The following NPRL3 variants were observed in gnomAD, a reference collection of about 807,000 sequenced individuals.
The protein encoded by NPRL3 is NPR3 like, GATOR1 complex subunit.
A neutral mutation model predicts 57.2 loss-of-function variants in NPRL3; 23 were observed. That is an observed-to-expected ratio of 0.40 (90% CI 0.29 to 0.57). The LOEUF is 0.57. Among genes scored for constraint, NPRL3 ranks in the 20% least tolerant of loss-of-function variants. The probability of loss-of-function intolerance (pLI) is 0.42; values close to 1 mark genes in which losing one functional copy is unlikely to be tolerated. For missense variants in NPRL3, 691 were observed against 767.1 expected, an observed-to-expected ratio of 0.90 and a Z score of 1.17; for synonymous variants, 333 against 321.1, an observed-to-expected ratio of 1.04 and a Z score of -0.39.
At chr16:97,513 C>T (rs551547536) in intron 9 of NPRL3, among the ~76,000 whole-genome samples, 114 of 151,496 alleles carry the variant, frequency 7.5e-4, no homozygotes, top group Non-Finnish European at 1.2e-3. Flanking sequence ...CATGAGCCAC[C>T]GTGCCCAGCC....
In NPRL3 at chr16:88,753, C is replaced by G. The variant is rs377485939; in HGVS notation, c.1489G>C (p.Ala497Pro). ...TGGGCTGCGGGTACACTGAGGATGG[C>G]TGCGCGTTCATGCTCCGACAGGCTG... ...LASLSEHERA[A>P]ILSVPAAQNP... Residue 497 changes from alanine (A) to proline (P), a missense_variant, in exon 13 of 14, where the codon GCC (alanine) becomes CCC (proline). Ala to Pro is a conservative substitution (Grantham distance 27). Coordinates refer to ENST00000611875, the MANE Select transcript of NPRL3 (RefSeq NM_001077350.3). 6.2e-7 allele frequency: 1 copy of G among 1,613,598 alleles called. No homozygotes were observed. Among genetic ancestry groups the G allele is most frequent in the African/African-American group, 1.3e-5 (1 of 74,942 alleles).
chr16:100,085 C>G (rs150464022), intron 8 of NPRL3, among the ~76,000 whole-genome samples: 63 of 152,132 alleles, frequency 4.1e-4, no homozygotes, highest in African/African-American at 1.5e-3. Flanking sequence ...TCCCTCCAGC[C>G]CTCCGGCCTC....
At chr16:123,429 C>G (rs2141967662) in intron 3 of NPRL3, 1 of 467,162 alleles carries the variant, frequency 2.1e-6, no homozygotes, top group African/African-American at 2.0e-5. Context: ...GGAGGGAAAT[C>G]AGGAATTAAG....
At chr16:135,943 A>G (rs568120471) in intron 2 of NPRL3, among the ~76,000 whole-genome samples, 18 of 152,144 alleles carry the variant, frequency 1.2e-4, no homozygotes, top group Non-Finnish European at 2.4e-4. Flanking sequence ...AGGAAATCCA[A>G]ATGGCTCCAA....
At chr16:89,283 T>G in intron 12 of NPRL3, 1 of 267,072 alleles carries the variant, frequency 3.7e-6, no homozygotes. Context: ...TTCAAAGTCT[T>G]CCACCCCCTT....
At chr16:99,959 C>CAAAAAAAAAAAAAAAAAAAGAAAA (rs11304941) in intron 8 of NPRL3, among the ~76,000 whole-genome samples, 2 of 61,018 alleles carry the variant, frequency 3.3e-5, no homozygotes, top group South Asian at 7.4e-4. Flanking sequence ...CACACCCCCG[C>CAAAAAAAAAAAAAAAAAAAGAAAA]AAAAAAAAAA....
chr16:116,158 T>C (rs1309714221), intron 5 of NPRL3, among the ~76,000 whole-genome samples: 1 of 152,086 alleles, frequency 6.6e-6, no homozygotes, highest in Non-Finnish European at 1.5e-5. Flanking sequence ...GGTGAGGGCC[T>C]GCTTACAGCA....
intron 3 of NPRL3, among the ~76,000 whole-genome samples, chr16:127,868 A>T (rs924672227): frequency 1.3e-5 from 2 of 150,778 alleles, no homozygotes; most frequent in Non-Finnish European, 2.9e-5. Flanking sequence ...GTTAGCCAGG[A>T]TGAGTCTCGA....
At chr16:93,083 C>T in intron 10 of NPRL3, 136 bp downstream of exon 10, 2 of 682,034 alleles carry the variant, frequency 2.9e-6, no homozygotes, top group South Asian at 3.4e-5. Flanking sequence ...AGGAGTTAGG[C>T]TGAAGTGAGA....
chr16:123,563 C>G (rs1351234667), intron 3 of NPRL3: 1 of 470,620 alleles, frequency 2.1e-6, no homozygotes, highest in Non-Finnish European at 4.4e-6. Context: ...GGGAACAGGA[C>G]CATCAAGACC....
At chr16:109,596 A>C (rs1442282693) in intron 7 of NPRL3, among the ~76,000 whole-genome samples, 1 of 152,160 alleles carries the variant, frequency 6.6e-6, no homozygotes, top group African/African-American at 2.4e-5. Flanking sequence ...CTGTTTTAAG[A>C]GGAGTCTGGA....
At position 100,516 on chromosome 16, in the gene NPRL3, A is replaced by C; in HGVS notation, c.630-7T>G. The C allele has an allele frequency of 6.4e-7, 1 of 1,559,986 alleles. No individual in the cohort carries two copies. ...TACGCCCGACGTGCACAGGCTGCAG[A>C]GAGTGGGCGCTGTTACCCGTTCACA... On this transcript the variant is annotated splice_polypyrimidine_tract_variant and splice_region_variant and intron_variant, in intron 7 of 13. Transcript: ENST00000611875.
intron 13 of NPRL3, among the ~76,000 whole-genome samples, chr16:88,241 C>T (rs549265298): frequency 4.6e-5 from 7 of 152,200 alleles, no homozygotes; most frequent in South Asian, 2.1e-4. Context: ...ATTAGCCGGG[C>T]GTGGTGGCGG....
At chr16:100,990 A>AAAAAAAAG (rs1899274690) in intron 7 of NPRL3, among the ~76,000 whole-genome samples, 1 of 145,234 alleles carries the variant, frequency 6.9e-6, no homozygotes, top group African/African-American at 2.5e-5. Flanking sequence ...AAAAAAAAAA[A>AAAAAAAAG]GGAAGAAGAA....
At chr16:110,488 T>C in intron 7 of NPRL3, 37 bp downstream of exon 7, 4 of 1,562,554 alleles carry the variant, frequency 2.6e-6, no homozygotes, top group African/African-American at 1.4e-5. Flanking sequence ...GGCTGGCCCA[T>C]AAGAAGGAGG....
chr16:122,182 C>T (rs1460172242), intron 3 of NPRL3, among the ~76,000 whole-genome samples: 1 of 152,122 alleles, frequency 6.6e-6, no homozygotes, highest in East Asian at 1.9e-4. Flanking sequence ...CTGAAACCTC[C>T]GCCTCTTGGG....
chr16:104,613 C>T (rs1290701355), intron 7 of NPRL3, among the ~76,000 whole-genome samples: 1 of 152,208 alleles, frequency 6.6e-6, no homozygotes, highest in Admixed American at 6.5e-5. Flanking sequence ...CATGTTGGTT[C>T]CTCTAACTTC....
chr16:108,201 G>A (rs925454746), intron 7 of NPRL3, among the ~76,000 whole-genome samples: 6 of 152,182 alleles, frequency 3.9e-5, no homozygotes, highest in African/African-American at 1.4e-4. Context: ...CCATGTTTAA[G>A]GACTTATATC....
At chr16:123,640 A>G in intron 3 of NPRL3, 1 of 453,862 alleles carries the variant, frequency 2.2e-6, no homozygotes. Context: ...AAAACTGCAC[A>G]AAAGTCTAGC....
Sources: gnomAD v4.1 joint callset for allele counts (sites outside exome capture counted in the v4.1 genomes callset) on GRCh38, gnomAD v4.1.1 for gene constraint, MANE v1.5 for transcripts, NCBI Gene and HGNC (gene_info 2026-07-23, HGNC 2026-07-21) for gene names.